The following NRXN3 variants were observed in gnomAD, a reference collection of about 807,000 sequenced individuals.
The protein encoded by NRXN3 is neurexin III.
NRXN3 carries 32 observed loss-of-function variants against 137.6 expected under a neutral mutation model. The ratio of observed to expected loss-of-function variants is 0.23; its 90% CI spans 0.18 to 0.31. The LOEUF is 0.31. Ranked by LOEUF, NRXN3 falls within the 10% of genes least tolerant of loss-of-function variation. The pLI is 1.00. For missense variants in NRXN3, 1,574 were observed against 2,062.5 expected (o/e 0.76, Z 4.59); for synonymous variants, 798 against 784.5 (o/e 1.02, Z -0.29).
intron 15 of NRXN3, among the ~76,000 whole-genome samples, chr14:79,328,429 C>A (rs1324615388): frequency 6.6e-6 from 1 of 152,084 alleles, no homozygotes; most frequent in Non-Finnish European, 1.5e-5. Context: ...CAGTCAAGGG[C>A]AGAGAGTAAA....
At chr14:79,278,242 G>A (rs2080614461) in intron 15 of NRXN3, among the ~76,000 whole-genome samples, 1 of 152,142 alleles carries the variant, frequency 6.6e-6, no homozygotes, top group Non-Finnish European at 1.5e-5. Context: ...TACCCAAGGT[G>A]AATGGTAGGA....
chr14:78,221,159 G>A (rs1456769339), intron 1 of NRXN3, among the ~76,000 whole-genome samples: 2 of 152,112 alleles, frequency 1.3e-5, no homozygotes, highest in Non-Finnish European at 1.5e-5. Context: ...GGTAATGATT[G>A]ACTATGCAGC....
intron 2 of NRXN3, among the ~76,000 whole-genome samples, chr14:78,272,004 TGAA>T (rs1453583751): frequency 2.6e-5 from 4 of 152,202 alleles, no homozygotes; most frequent in African/African-American, 4.8e-5. Context: ...TGTTTGTTCT[TGAA>T]GAAGAAGGGA....
intron 11 of NRXN3, among the ~76,000 whole-genome samples, chr14:78,960,458 G>T (rs1255926300): frequency 6.6e-6 from 1 of 152,124 alleles, no homozygotes; most frequent in African/African-American, 2.4e-5. Context: ...CTAGTTTATA[G>T]AAATGATGTA....
chr14:79,421,571 C>T, intron 15 of NRXN3, among the ~76,000 whole-genome samples: 1 of 152,114 alleles, frequency 6.6e-6, no homozygotes, highest in East Asian at 1.9e-4. Flanking sequence ...TGAGCAGAAG[C>T]CTCTAGAATC....
intron 8 of NRXN3, among the ~76,000 whole-genome samples, chr14:78,717,275 G>C (rs1348561310): frequency 6.6e-6 from 1 of 152,114 alleles, no homozygotes; most frequent in Non-Finnish European, 1.5e-5. Context: ...AACTTGCCAA[G>C]AACAGTGAAA....
At chr14:78,220,290 C>G (rs527343055) in intron 1 of NRXN3, among the ~76,000 whole-genome samples, 1 of 151,950 alleles carries the variant, frequency 6.6e-6, no homozygotes, top group Non-Finnish European at 1.5e-5. Context: ...ACCCTGACAT[C>G]TGAAGGGTGG....
intron 20 of NRXN3, among the ~76,000 whole-genome samples, chr14:79,820,109 T>C (rs1314999008): frequency 3.3e-5 from 5 of 152,160 alleles, no homozygotes; most frequent in Non-Finnish European, 5.9e-5. Context: ...AATGTCTAAA[T>C]GACTGAGATA....
chr14:78,784,462 G>A (rs1004877926), intron 8 of NRXN3, among the ~76,000 whole-genome samples: 1 of 152,206 alleles, frequency 6.6e-6, no homozygotes, highest in East Asian at 1.9e-4. Context: ...TGAGTAAAAG[G>A]TGGTGCTATT....
intron 10 of NRXN3, among the ~76,000 whole-genome samples, chr14:78,895,502 A>G (rs1468340134): frequency 6.6e-6 from 1 of 151,918 alleles, no homozygotes; most frequent in Non-Finnish European, 1.5e-5. Context: ...TCTTCAATCC[A>G]GACCACTACA....
At chr14:78,607,699 T>G (rs183550335) in intron 4 of NRXN3, among the ~76,000 whole-genome samples, 1 of 152,302 alleles carries the variant, frequency 6.6e-6, no homozygotes, top group Non-Finnish European at 1.5e-5. Flanking sequence ...AACAGTTCCA[T>G]TCTGATAAGT....
intron 4 of NRXN3, among the ~76,000 whole-genome samples, chr14:78,635,227 A>G (rs1187302189): frequency 6.6e-6 from 1 of 152,208 alleles, no homozygotes; most frequent in Non-Finnish European, 1.5e-5. Flanking sequence ...GTTACAGAGA[A>G]TTCTTTACTT....
At chr14:78,725,775 T>C (rs1240622226) in intron 8 of NRXN3, among the ~76,000 whole-genome samples, 3 of 152,270 alleles carry the variant, frequency 2.0e-5, no homozygotes, top group African/African-American at 7.2e-5. Flanking sequence ...CAATATCTGA[T>C]GCATATATAC....
At chr14:79,217,929 T>C (rs1056865155) in intron 15 of NRXN3, among the ~76,000 whole-genome samples, 15 of 152,322 alleles carry the variant, frequency 9.8e-5, no homozygotes, top group Admixed American at 7.8e-4. Context: ...TAAATTCTAA[T>C]CTAAACAGAA....
intron 16 of NRXN3, among the ~76,000 whole-genome samples, chr14:79,491,632 A>G (rs1431611664): frequency 6.6e-6 from 1 of 151,780 alleles, no homozygotes; most frequent in African/African-American, 2.4e-5. Flanking sequence ...AGAAATGGCT[A>G]CTTTTCACCC....
chr14:78,920,159 C>T (rs2099267168), intron 10 of NRXN3, among the ~76,000 whole-genome samples: 1 of 152,170 alleles, frequency 6.6e-6, no homozygotes, highest in South Asian at 2.1e-4. Context: ...TGTCTCATGT[C>T]GTCCCCACTC....
At chr14:79,654,516 A>ATGAG (rs1480602413) in intron 16 of NRXN3, among the ~76,000 whole-genome samples, 1 of 152,172 alleles carries the variant, frequency 6.6e-6, no homozygotes, top group African/African-American at 2.4e-5. Flanking sequence ...ACATCAATGA[A>ATGAG]TGAGTCCAGC....
intron 19 of NRXN3, among the ~76,000 whole-genome samples, chr14:79,774,021 G>A (rs749946547): frequency 6.6e-6 from 1 of 151,984 alleles, no homozygotes; most frequent in Admixed American, 6.6e-5. Flanking sequence ...AAATTGGGTG[G>A]GTAGATACAA....
intron 15 of NRXN3, among the ~76,000 whole-genome samples, chr14:79,409,794 C>G (rs980369338): frequency 6.6e-6 from 1 of 151,622 alleles, no homozygotes; most frequent in Non-Finnish European, 1.5e-5. Context: ...TTGTTGTTCA[C>G]TGGTCCTAAC....
Sources: allele counts gnomAD v4.1 joint callset (sites outside exome capture counted in the v4.1 genomes callset), GRCh38; gene constraint gnomAD v4.1.1; transcripts MANE v1.5; gene names NCBI Gene and HGNC (gene_info 2026-07-23, HGNC 2026-07-21).